Variants in ATP2B2 observed in about 807,000 individuals in gnomAD.
The protein encoded by ATP2B2 is plasma membrane calcium-transporting ATPase 2.
A neutral mutation model predicts 120.0 loss-of-function variants in ATP2B2; 15 were observed. The observed-to-expected ratio is 0.12, with a 90% CI of 0.08 to 0.19. ATP2B2 has a LOEUF of 0.19. Ranked by LOEUF, ATP2B2 falls within the 10% of genes least tolerant of loss-of-function variation. ATP2B2 has a pLI of 1.00. For missense variants in ATP2B2, 1,045 were observed against 1,719.8 expected (o/e 0.61, Z 6.94); for synonymous variants, 694 against 700.3 (o/e 0.99, Z 0.14).
chr3:10,342,681 G>A lies in ATP2B2; in HGVS notation c.2917+71C>T, dbSNP rs765146751. Reference sequence around the variant, plus strand: ...AGGGGGTTGTGACTCGAGAATGCTGGGTGAGAGCCATGGTGCACCCAGAAG... The same window carrying A: ...AGGGGGTTGTGACTCGAGAATGCTGAGTGAGAGCCATGGTGCACCCAGAAG... On this transcript the variant is annotated intron_variant, in intron 19 of 22. Coordinates refer to ENST00000360273, the MANE Select transcript of ATP2B2 (RefSeq NM_001001331.4). The surrounding 1 kb of genome is among the most constrained non-coding windows in gnomAD (Gnocchi z 4.4). The A allele has an allele frequency of 6.2e-4, 960 of 1,549,582 alleles. 2 individuals are homozygous for A. Among genetic ancestry groups the A allele is most frequent in the Non-Finnish European group, 7.4e-4 (835 of 1,125,114 alleles).
chr3:10,413,764 A>T (rs575184900), intron 2 of ATP2B2, among the ~76,000 whole-genome samples: 8 of 152,352 alleles, frequency 5.3e-5, no homozygotes, highest in African/African-American at 1.7e-4. Context: ...CCTTTAATTA[A>T]AAGCTCCAAT....
chr3:10,612,121 G>A (rs968306758), intron 2 of ATP2B2, among the ~76,000 whole-genome samples: 2 of 152,098 alleles, frequency 1.3e-5, no homozygotes, highest in Admixed American at 6.5e-5. Flanking sequence ...CTGGGCACAC[G>A]GCAGGTGCTG....
At chr3:10,521,548 G>A (rs1008265362) in intron 3 of ATP2B2, among the ~76,000 whole-genome samples, 15 of 152,216 alleles carry the variant, frequency 9.9e-5, no homozygotes, top group Non-Finnish European at 5.9e-5. Context: ...GTGTTTTAAG[G>A]ACATTGTTAA....
intron 1 of ATP2B2, among the ~76,000 whole-genome samples, chr3:10,661,172 C>T (rs1193774191): frequency 2.6e-5 from 4 of 152,090 alleles, no homozygotes; most frequent in African/African-American, 9.7e-5. Flanking sequence ...GAAGCATTCC[C>T]TCTGAAAACT....
intron 1 of ATP2B2, among the ~76,000 whole-genome samples, chr3:10,700,533 C>G (rs1270653529): frequency 6.6e-6 from 1 of 152,192 alleles, no homozygotes; most frequent in Non-Finnish European, 1.5e-5. Flanking sequence ...AGTAGGGAGA[C>G]TAGCCATTAC....
intron 3 of ATP2B2, among the ~76,000 whole-genome samples, chr3:10,404,439 C>A (rs889546085): frequency 6.6e-6 from 1 of 152,210 alleles, no homozygotes. Flanking sequence ...ACTGTGCCTG[C>A]CTTGTTTTGG....
intron 1 of ATP2B2, among the ~76,000 whole-genome samples, chr3:10,467,545 G>A (rs376562341): frequency 2.6e-5 from 4 of 152,290 alleles, no homozygotes; most frequent in South Asian, 2.1e-4. Flanking sequence ...GAGTGGGCAC[G>A]TGGAAAAGTG....
chr3:10,706,647 T>TA (rs926788643), intron 1 of ATP2B2, among the ~76,000 whole-genome samples: 2 of 152,128 alleles, frequency 1.3e-5, no homozygotes, highest in Non-Finnish European at 2.9e-5. Flanking sequence ...GAAAGGAAAT[T>TA]ACACCAGCTG....
chr3:10,480,378 C>T (rs1214768036), intron 1 of ATP2B2, among the ~76,000 whole-genome samples: 1 of 152,184 alleles, frequency 6.6e-6, no homozygotes, highest in Admixed American at 6.5e-5. Flanking sequence ...ATCCCAGCCA[C>T]ACTCCCAAAT....
intron 2 of ATP2B2, among the ~76,000 whole-genome samples, chr3:10,609,107 A>G (rs1362827547): frequency 1.3e-5 from 2 of 152,338 alleles, no homozygotes; most frequent in Middle Eastern, 3.4e-3. Context: ...CCTCCAATCG[A>G]AACAGCCATA....
chr3:10,550,379 T>C (rs1358600710), intron 2 of ATP2B2, among the ~76,000 whole-genome samples: 2 of 152,242 alleles, frequency 1.3e-5, no homozygotes, highest in Non-Finnish European at 2.9e-5. Context: ...TTCTTCAGTC[T>C]CCTCAAGATG....
In ATP2B2 at chr3:10,477,922, C is replaced by A. The variant is rs529876473; in HGVS notation, c.-320+27543G>T. On this transcript the variant is annotated intron_variant, in intron 1 of 22. Transcript: ENST00000360273. ...CTACCCAGTAGTGGAATTGCTGGAT[C>A]GTGGAATAATTCTGTTTGATTTTTT... 3.6e-4 allele frequency among the ~76,000 whole-genome samples: 55 copies of A among 152,274 alleles called. 1 individual carries two copies. The highest frequency in any genetic ancestry group is 6.8e-3 in the Middle Eastern group (2 of 294).
chr3:10,391,145 G>T (rs1052942539), intron 5 of ATP2B2, among the ~76,000 whole-genome samples: 3 of 152,162 alleles, frequency 2.0e-5, no homozygotes, highest in Admixed American at 6.5e-5. Flanking sequence ...TGTGTGCAGG[G>T]CACATGCTGC....
chr3:10,626,271 T>A (rs576242561), intron 1 of ATP2B2: 1 of 152,286 alleles, frequency 6.6e-6, no homozygotes, highest in East Asian at 1.9e-4. Flanking sequence ...GGGCTCAGGG[T>A]TGGGGACTCC....
intron 2 of ATP2B2, among the ~76,000 whole-genome samples, chr3:10,420,892 G>C (rs1345665199): frequency 3.9e-5 from 6 of 152,222 alleles, no homozygotes; most frequent in Non-Finnish European, 8.8e-5. Flanking sequence ...CCAAACTAGA[G>C]ATTCTAGTTG....
chr3:10,607,073 A>C (rs974215497), intron 2 of ATP2B2, among the ~76,000 whole-genome samples: 4 of 151,948 alleles, frequency 2.6e-5, no homozygotes, highest in Non-Finnish European at 1.5e-5. Flanking sequence ...CTCAGGTATG[A>C]ATCTCATACT....
chr3:10,451,617 T>A (rs1228089584), intron 1 of ATP2B2, among the ~76,000 whole-genome samples: 5 of 152,162 alleles, frequency 3.3e-5, no homozygotes, highest in African/African-American at 1.2e-4. Flanking sequence ...GGAAGATTAT[T>A]TTTACACTGG....
intron 1 of ATP2B2, among the ~76,000 whole-genome samples, chr3:10,638,985 G>A (rs747635302): frequency 3.9e-5 from 6 of 152,162 alleles, no homozygotes; most frequent in Non-Finnish European, 8.8e-5. Flanking sequence ...AAGAGAACTA[G>A]AGAAATTCAC....
At position 10,347,707 on chromosome 3, in the gene ATP2B2, C is replaced by T. The variant is rs984197961; in HGVS notation, c.2405-1570G>A. On this transcript the variant is annotated intron_variant, in intron 16 of 22. Coordinates refer to ENST00000360273, the MANE Select transcript of ATP2B2 (RefSeq NM_001001331.4). The surrounding 1 kb of genome is among the most constrained non-coding windows in gnomAD (Gnocchi z 5.2). Reference sequence around the variant, plus strand: ...CCTGGGGGCTCCTCCAAGGCAGGGACGGGTCAAATTTCTGCCCTGTGGCTC... The same window carrying T: ...CCTGGGGGCTCCTCCAAGGCAGGGATGGGTCAAATTTCTGCCCTGTGGCTC... Among the ~76,000 whole-genome samples, 13 of 152,206 alleles carry T rather than the reference C, an allele frequency of 8.5e-5. No homozygotes were observed. Among genetic ancestry groups the T allele is most frequent in the East Asian group, 5.8e-4 (3 of 5,196 alleles).
Sources: allele counts gnomAD v4.1 joint callset (sites outside exome capture counted in the v4.1 genomes callset), GRCh38; gene constraint gnomAD v4.1.1; non-coding constraint Gnocchi (gnomAD v3.1); transcripts MANE v1.5; gene names NCBI Gene and HGNC (gene_info 2026-07-23, HGNC 2026-07-21).